The following ATP1A3 variants were observed in gnomAD, a reference collection of about 807,000 sequenced individuals.
The protein encoded by ATP1A3 is ATPase Na+/K+ transporting subunit alpha 3, also known as sodium/potassium-transporting ATPase subunit alpha-3.
Under a neutral mutation model 108.8 loss-of-function variants are expected in ATP1A3, and 12 were observed. The observed-to-expected ratio is 0.11, with a 90% confidence interval of 0.07 to 0.18. The LOEUF (loss-of-function observed/expected upper bound fraction) is 0.18. ATP1A3 is among the 10% of genes least tolerant of loss of function. The pLI, the probability that ATP1A3 is intolerant of heterozygous loss-of-function variation, is 1.00. For synonymous variants in ATP1A3, 539 were observed against 564.5 expected, an observed-to-expected ratio of 0.95 and a Z score of 0.64; for missense variants, 498 against 1,387.7, an observed-to-expected ratio of 0.36 and a Z score of 10.19.
At position 41,969,429 on chromosome 19, in the gene ATP1A3, A is replaced by G. The variant is rs2075078801; in HGVS notation, c.2688+6T>C. On this transcript the variant is annotated splice_donor_region_variant and intron_variant, in intron 19 of 22. Coordinates refer to ENST00000648268, the MANE Select transcript of ATP1A3 (RefSeq NM_152296.5). ...GGGCAGAGACACAGCACCCTGCCCT[A>G]CTCACCCACTGCTGCCCGTAACTGT... 4 of 1,613,794 alleles carry G rather than the reference A, an allele frequency of 2.5e-6. No individual in the cohort carries two copies. The highest frequency in any genetic ancestry group is 3.4e-6 in the Non-Finnish European group (4 of 1,179,910).
chr19:41,987,735 G>A (rs1555865887), intron 4 of ATP1A3, among the ~76,000 whole-genome samples: 1 of 152,196 alleles, frequency 6.6e-6, no homozygotes, highest in Admixed American at 6.5e-5. Context: ...CTGCTGTGGG[G>A]CCTTGGACAA....
intron 11 of ATP1A3, among the ~76,000 whole-genome samples, chr19:41,979,086 T>A (rs2075203423): frequency 6.6e-6 from 1 of 151,950 alleles, no homozygotes; most frequent in Non-Finnish European, 1.5e-5. Flanking sequence ...CACTGCAACC[T>A]CCACCTCCTG....
rs782433549 is a variant in ATP1A3 at position 41,988,050 on chromosome 19, C to T, written c.243G>A (p.Lys81=). 6.5e-5 allele frequency: 105 copies of T among 1,614,068 alleles called. No individual in the cohort carries two copies. The highest frequency in any genetic ancestry group is 7.0e-5 in the Non-Finnish European group (83 of 1,180,042). The part of the protein sequence containing the change: ...TPPPTTPEWV[K]FCRQLFGGFS... Reference sequence around the variant, plus strand: ...AGCCCCCGAAGAGCTGCCGGCAAAACTTGACCCACTCTGGGGTGGTAGGCG... The same window carrying T: ...AGCCCCCGAAGAGCTGCCGGCAAAATTTGACCCACTCTGGGGTGGTAGGCG... The change falls in exon 4 of 23, where the codon AAG becomes AAA. Residue 81 remains lysine (K), a synonymous_variant. Transcript: ENST00000648268. The surrounding 1 kb of genome is among the most constrained non-coding windows in gnomAD (Gnocchi z 5.3).
At position 41,968,609 on chromosome 19, in the gene ATP1A3, G is replaced by A. The variant is rs1325750659; in HGVS notation, c.2819+176C>T. ...GTGGGTCACTTGAGCCCAGGAGGTC[G>A]AGGCTGCAGTGAGCTATGATTACAC... On this transcript the variant is annotated intron_variant, in intron 20 of 22. Transcript: ENST00000648268. The surrounding 1 kb of genome is among the most constrained non-coding windows in gnomAD (Gnocchi z 5.0). 1.3e-5 allele frequency among the ~76,000 whole-genome samples: 2 copies of A among 152,136 alleles called. No homozygotes were observed. The highest frequency in any genetic ancestry group is 4.8e-5 in the African/African-American group (2 of 41,422).
intron 1 of ATP1A3, among the ~76,000 whole-genome samples, chr19:41,989,316 CTTTTTTTTTT>C (rs1217199421): frequency 7.4e-6 from 1 of 134,806 alleles, no homozygotes; most frequent in Non-Finnish European, 1.6e-5. Flanking sequence ...ACATATCTGT[CTTTTTTTTTT>C]TTTTTTTTTT....
At chr19:41,982,184 G>A (rs1420752973) in intron 8 of ATP1A3, 78 bp from the exon 9 acceptor site, 28 of 1,608,980 alleles carry the variant, frequency 1.7e-5, no homozygotes, top group Non-Finnish European at 2.3e-5. Flanking sequence ...GAGGGCCACA[G>A]CCCAGCTGCC....
chr19:41,986,575 G>A, intron 4 of ATP1A3: 1 of 324,248 alleles, frequency 3.1e-6, no homozygotes, highest in Non-Finnish European at 6.0e-6. Flanking sequence ...CTGAGTAGCT[G>A]GGACTACAGG....
chr19:41,969,233 G>T (rs1555859240), intron 19 of ATP1A3, among the ~76,000 whole-genome samples: 1 of 152,162 alleles, frequency 6.6e-6, no homozygotes, highest in Non-Finnish European at 1.5e-5. Flanking sequence ...GGCCTGGCAG[G>T]GCAGAGAGCT....
chr19:41,972,804 GGGAAGGAAGGAAGGAAGGAAGGAA>G (rs782125486), intron 16 of ATP1A3, among the ~76,000 whole-genome samples: 92 of 74,914 alleles, frequency 1.2e-3, no homozygotes, highest in African/African-American at 4.5e-3. Context: ...AGGAAGGAAG[GGGAAGGAAGGAAGGAAGGAAGGAA>G]GGAAGGAAGG....
rs1555858817 is a variant in ATP1A3 at position 41,967,231 on chromosome 19, C to CAA, written c.3013+17_3013+18insTT. ...GCTGCCCCCCGCCCCCCTCGGCTGC[C>CAA]TTGCCGAGCTCCCTCACCCCCTGGG... On this transcript the variant is annotated intron_variant, in intron 22 of 22. Coordinates refer to ENST00000648268, the MANE Select transcript of ATP1A3 (RefSeq NM_152296.5). The surrounding 1 kb of genome is among the most constrained non-coding windows in gnomAD (Gnocchi z 4.2). 6.2e-7 allele frequency: 1 copy of CAA among 1,614,072 alleles called. No individual in the cohort carries two copies. The highest frequency in any genetic ancestry group is 2.2e-5 in the East Asian group (1 of 44,874).
rs937800044 is a variant in ATP1A3 at position 41,989,051 on chromosome 19, C to G, written c.7-489G>C. On this transcript the variant is annotated intron_variant, in intron 1 of 22. Transcript: ENST00000648268. ...ACTTCTGAGGCTCAGGTGATCCTCCCGCCTCCGCCTCCTGTGTAGCTGGGA... is the reference window on the plus strand; with the variant it reads ...ACTTCTGAGGCTCAGGTGATCCTCCGGCCTCCGCCTCCTGTGTAGCTGGGA... Among the ~76,000 whole-genome samples, 2 of 151,960 alleles carry G rather than the reference C, an allele frequency of 1.3e-5. 1 individual carries two copies. Among genetic ancestry groups the G allele is most frequent in the South Asian group, 4.2e-4 (2 of 4,810 alleles).
At chr19:41,969,340 G>A (rs781980047) in intron 19 of ATP1A3, 95 bp downstream of exon 19, 19 of 1,591,006 alleles carry the variant, frequency 1.2e-5, no homozygotes, top group Non-Finnish European at 1.6e-5. Flanking sequence ...ATGGGAGACT[G>A]AGGGGGCCAT....
In ATP1A3 at chr19:41,967,351, G is replaced by A. The variant is rs782471243; in HGVS notation, c.2922-11C>T. The A allele has an allele frequency of 6.9e-6, 11 of 1,604,718 alleles. No homozygotes were observed. The East Asian group carries it at 2.2e-4, about 33-fold the overall frequency. The stretch of plus-strand genomic sequence containing the variant: ...AACCACCAGCTGGGCCTGCAGAGGG[G>A]AGAGCAGGAGGGCTTGAGTGCGGGG... On this transcript the variant is annotated splice_polypyrimidine_tract_variant and intron_variant, in intron 21 of 22. Transcript: ENST00000648268. The surrounding 1 kb of genome is among the most constrained non-coding windows in gnomAD (Gnocchi z 4.2).
chr19:41,984,781 C>T, intron 8 of ATP1A3, 137 bp downstream of exon 8: 3 of 1,061,040 alleles, frequency 2.8e-6, no homozygotes, highest in Non-Finnish European at 4.0e-6. Context: ...GCCCCTCCTC[C>T]CCCAGACACA....
Position 41,988,609 on chromosome 19 carries a change from C to A in ATP1A3, c.7-47G>T, listed in dbSNP as rs1010252723. 1 of 1,613,890 alleles carries A rather than the reference C, an allele frequency of 6.2e-7. No homozygotes were observed. The highest frequency in any genetic ancestry group is 8.5e-7 in the Non-Finnish European group (1 of 1,180,016). ...GCTGTCAGAGCCACCAGACTGCGGG[C>A]GAGAAGGGGTTCCAGGAGGACACCG... is the stretch of plus-strand genomic sequence containing the variant. On this transcript the variant is annotated intron_variant, in intron 1 of 22. Transcript: ENST00000648268. The surrounding 1 kb of genome is among the most constrained non-coding windows in gnomAD (Gnocchi z 5.3).
chr19:41,981,892 C>G lies in ATP1A3; in HGVS notation c.1192+16G>C, dbSNP rs572519896. On this transcript the variant is annotated intron_variant, in intron 9 of 22. Transcript: ENST00000648268. This position sits in a 1 kb window ranked among gnomAD's most constrained non-coding sequence, Gnocchi z 5.0. ...GAGCCAGGCCCCCATGGTCCTCACC[C>G]GGGGCCTGCGCTCACCTGACTGGTC... 73 of 1,614,040 alleles carry G rather than the reference C, an allele frequency of 4.5e-5. 1 individual carries two copies. The highest frequency in any genetic ancestry group is 1.5e-4 in the Admixed American group (9 of 59,992).
chr19:41,992,703 G>C (rs546412199), intron 1 of ATP1A3, among the ~76,000 whole-genome samples: 3 of 151,246 alleles, frequency 2.0e-5, no homozygotes, highest in Non-Finnish European at 4.4e-5. Context: ...GCTTGTCTCT[G>C]TCTCTTTGTC....
At position 41,980,380 on chromosome 19, in the gene ATP1A3, G is replaced by A. The variant is rs181930971; in HGVS notation, c.1437+1122C>T. On this transcript the variant is annotated intron_variant, in intron 11 of 22. Transcript: ENST00000648268. ...TGTAATCCCAGCACTTTGGGAGGCCGAGGTGGGTGGATCACTTGAGGTCAG... is the reference window on the plus strand; with the variant it reads ...TGTAATCCCAGCACTTTGGGAGGCCAAGGTGGGTGGATCACTTGAGGTCAG... Among the ~76,000 whole-genome samples the A allele has an allele frequency of 3.6e-3, 543 of 152,298 alleles. 1 individual carries two copies. The highest frequency in any genetic ancestry group is 5.5e-3 in the Non-Finnish European group (377 of 68,024).
At chr19:41,989,343 G>A (rs1479153646) in intron 1 of ATP1A3, among the ~76,000 whole-genome samples, 1 of 146,056 alleles carries the variant, frequency 6.8e-6, no homozygotes, top group East Asian at 2.0e-4. Context: ...TTTTGAGACG[G>A]AGTCTCGCTT....
Sources: allele counts gnomAD v4.1 joint callset (sites outside exome capture counted in the v4.1 genomes callset), GRCh38; gene constraint gnomAD v4.1.1; non-coding constraint Gnocchi (gnomAD v3.1); transcripts MANE v1.5; gene names NCBI Gene and HGNC (gene_info 2026-07-23, HGNC 2026-07-21).